GRIA4: variants seen among roughly 807,000 people sequenced by gnomAD.
The protein encoded by GRIA4 is glutamate ionotropic receptor AMPA type subunit 4, also known as glutamate receptor 4.
In GRIA4, 34 loss-of-function variants were observed where a neutral mutation model predicts 104.0. That is an observed-to-expected ratio of 0.33 (90% CI 0.25 to 0.44). The LOEUF is 0.44. Ranked by LOEUF, GRIA4 falls within the 20% of genes least tolerant of loss-of-function variation. The pLI, the probability that GRIA4 is intolerant of heterozygous loss-of-function variation, is 1.00. For missense variants in GRIA4, 750 were observed against 1,096.5 expected, an observed-to-expected ratio of 0.68 and a Z score of 4.46; for synonymous variants, 386 against 381.9, an observed-to-expected ratio of 1.01 and a Z score of -0.13.
chr11:105,850,460 T>A (rs1346767390), intron 4 of GRIA4, among the ~76,000 whole-genome samples: 2 of 152,178 alleles, frequency 1.3e-5, no homozygotes, highest in Non-Finnish European at 2.9e-5. Context: ...TGGGCAAGCA[T>A]ATAGATAGAT....
At chr11:105,739,277 G>A (rs1939163884) in intron 3 of GRIA4, among the ~76,000 whole-genome samples, 1 of 152,104 alleles carries the variant, frequency 6.6e-6, no homozygotes, top group South Asian at 2.1e-4. Flanking sequence ...GTGCAAACAA[G>A]CCTGTATATT....
intron 14 of GRIA4, among the ~76,000 whole-genome samples, chr11:105,937,988 C>G (rs185728248): frequency 6.6e-6 from 1 of 152,262 alleles, no homozygotes; most frequent in Non-Finnish European, 1.5e-5. Context: ...GGAGGAAATA[C>G]TCAGCATGGG....
chr11:105,841,411 T>C (rs1036247527), intron 4 of GRIA4, among the ~76,000 whole-genome samples: 10 of 152,156 alleles, frequency 6.6e-5, no homozygotes, highest in Admixed American at 5.9e-4. Context: ...CTGTGGATGA[T>C]TGGCACTCCT....
intron 2 of GRIA4, among the ~76,000 whole-genome samples, chr11:105,612,044 T>A (rs2135239983): frequency 6.6e-6 from 1 of 152,178 alleles, no homozygotes; most frequent in Non-Finnish European, 1.5e-5. Context: ...CACTAAATGG[T>A]CTCAGAGGTC....
intron 5 of GRIA4, among the ~76,000 whole-genome samples, chr11:105,885,752 G>A (rs148694934): frequency 4.5e-4 from 69 of 152,332 alleles, no homozygotes; most frequent in African/African-American, 1.5e-3. Context: ...AGAATCTGTC[G>A]TCACAGCCTT....
chr11:105,830,831 C>T (rs769297570), intron 4 of GRIA4, among the ~76,000 whole-genome samples: 1 of 151,982 alleles, frequency 6.6e-6, no homozygotes, highest in Non-Finnish European at 1.5e-5. Context: ...TCTCTCACTG[C>T]CTTAACAGGT....
chr11:105,904,054 A>C, intron 8 of GRIA4, 73 bp downstream of exon 8: 1 of 1,033,250 alleles, frequency 9.7e-7, no homozygotes, highest in Non-Finnish European at 1.4e-6. Context: ...AAAACAGACT[A>C]ATTTATCCAA....
intron 4 of GRIA4, among the ~76,000 whole-genome samples, chr11:105,859,964 G>A (rs562121238): frequency 6.6e-5 from 10 of 152,192 alleles, no homozygotes; most frequent in East Asian, 5.8e-4. Context: ...ATGTCATCAC[G>A]TTACATATGT....
chr11:105,860,110 T>C (rs1439329164), intron 4 of GRIA4, among the ~76,000 whole-genome samples: 2 of 152,140 alleles, frequency 1.3e-5, no homozygotes, highest in Admixed American at 1.3e-4. Context: ...AATAATTATA[T>C]AGTAATTAAC....
intron 3 of GRIA4, among the ~76,000 whole-genome samples, chr11:105,687,728 G>A (rs965540834): frequency 3.3e-5 from 5 of 152,096 alleles, no homozygotes; most frequent in Non-Finnish European, 7.4e-5. Flanking sequence ...GTGCAGATGC[G>A]GGGCTCTTAG....
chr11:105,709,509 T>A (rs1953833772), intron 3 of GRIA4, among the ~76,000 whole-genome samples: 1 of 152,154 alleles, frequency 6.6e-6, no homozygotes, highest in Non-Finnish European at 1.5e-5. Context: ...TGCCTTTTAA[T>A]TATTAAAGGG....
intron 3 of GRIA4, among the ~76,000 whole-genome samples, chr11:105,698,349 C>T (rs923473708): frequency 1.3e-5 from 2 of 151,982 alleles, no homozygotes; most frequent in Admixed American, 6.6e-5. Context: ...TTTGTATAAA[C>T]CTCATGAAAA....
chr11:105,882,460 T>C (rs540281820), intron 5 of GRIA4, among the ~76,000 whole-genome samples: 30 of 152,340 alleles, frequency 2.0e-4, no homozygotes, highest in African/African-American at 7.0e-4. Context: ...AATCTGATTG[T>C]GGATTAAAGG....
At chr11:105,961,164 T>C (rs1948736462) in intron 14 of GRIA4, among the ~76,000 whole-genome samples, 1 of 152,258 alleles carries the variant, frequency 6.6e-6, no homozygotes, top group African/African-American at 2.4e-5. Context: ...TCTTTACTTT[T>C]ATCTTTCCTA....
intron 3 of GRIA4, among the ~76,000 whole-genome samples, chr11:105,634,809 A>G (rs1448682229): frequency 6.6e-6 from 1 of 152,216 alleles, no homozygotes; most frequent in Non-Finnish European, 1.5e-5. Flanking sequence ...CATGATTTTG[A>G]AAATAAAACA....
intron 3 of GRIA4, among the ~76,000 whole-genome samples, chr11:105,631,817 T>C (rs1362499501): frequency 2.0e-5 from 3 of 152,216 alleles, no homozygotes; most frequent in Non-Finnish European, 4.4e-5. Flanking sequence ...CATTGTATCA[T>C]AATTGCCAAA....
At chr11:105,920,311 A>C (rs1947524355) in intron 11 of GRIA4, among the ~76,000 whole-genome samples, 2 of 152,192 alleles carry the variant, frequency 1.3e-5, no homozygotes, top group South Asian at 2.1e-4. Context: ...AGGGTTTCTA[A>C]AGCATTTGTT....
chr11:105,724,294 T>G (rs1052281341), intron 3 of GRIA4, among the ~76,000 whole-genome samples: 2 of 151,118 alleles, frequency 1.3e-5, no homozygotes, highest in African/African-American at 4.9e-5. Context: ...TAAGTGTCCA[T>G]AAAAGGACAA....
intron 4 of GRIA4, among the ~76,000 whole-genome samples, chr11:105,812,309 T>C (rs948305633): frequency 1.3e-5 from 2 of 152,146 alleles, no homozygotes. Flanking sequence ...TTATTTGATA[T>C]GAATTTATGG....
Sources: allele counts gnomAD v4.1 joint callset (sites outside exome capture counted in the v4.1 genomes callset), GRCh38; gene constraint gnomAD v4.1.1; transcripts MANE v1.5; gene names NCBI Gene and HGNC (gene_info 2026-07-23, HGNC 2026-07-21).